The following CIMAP2 variants were observed in gnomAD, a reference collection of about 807,000 sequenced individuals.
CIMAP2 encodes the protein ciliary microtubule-associated protein 2.
chr1:54,822,372 C>G, the CIMAP2 span, among the ~76,000 whole-genome samples: 1 of 142,756 alleles, frequency 7.0e-6, no homozygotes, highest in Non-Finnish European at 1.5e-5. Flanking sequence ...TTTGCTGATC[C>G]TTTGTATTGG....
the CIMAP2 span, chr1:54,811,765 G>GCCGGGGGGGGGGGCCCCCCCCCCC: frequency 2.7e-5 from 35 of 1,301,232 alleles, no homozygotes; most frequent in East Asian, 5.0e-5. Flanking sequence ...GGTTCTGACA[G>GCCGGGGGGGGGGGCCCCCCCCCCC]CCTCCATGCC....
At chr1:54,820,108 CTCTCTCTTTCTTTCTT>C in the CIMAP2 span, among the ~76,000 whole-genome samples, 1 of 12,648 alleles carries the variant, frequency 7.9e-5, no homozygotes, top group Non-Finnish European at 2.3e-4. Context: ...TTCTTTCTCT[CTCTCTCTTTCTTTCTT>C]TCTTTCTTTC....
chr1:54,813,854 T>C, the CIMAP2 span: 4 of 1,612,950 alleles, frequency 2.5e-6, no homozygotes, highest in African/African-American at 1.3e-5. Context: ...AAGAGCTTTG[T>C]AGAAGAACTT....
chr1:54,841,938 G>T, the CIMAP2 span: 1 of 1,473,128 alleles, frequency 6.8e-7, no homozygotes, highest in Non-Finnish European at 9.3e-7. Flanking sequence ...AAATCTGGGG[G>T]TGACAGCATG....
At chr1:54,813,683 GC>G in the CIMAP2 span, 7 of 1,059,446 alleles carry the variant, frequency 6.6e-6, no homozygotes, top group Non-Finnish European at 7.9e-6. Context: ...CCGGCCTCCG[GC>G]CTCCGGGATG....
chr1:54,807,396 T>C, the CIMAP2 span: 2 of 1,207,454 alleles, frequency 1.7e-6, no homozygotes, highest in Non-Finnish European at 2.3e-6. Flanking sequence ...GCCTTAGTGC[T>C]GAGGGTGGGA....
At chr1:54,811,576 G>A in the CIMAP2 span, among the ~76,000 whole-genome samples, 1 of 152,286 alleles carries the variant, frequency 6.6e-6, no homozygotes, top group East Asian at 1.9e-4. Flanking sequence ...GCCAATCCAA[G>A]TTCAGCTGGG....
At chr1:54,814,684 T>C in the CIMAP2 span, among the ~76,000 whole-genome samples, 1 of 152,208 alleles carries the variant, frequency 6.6e-6, no homozygotes, top group Non-Finnish European at 1.5e-5. Context: ...TGAAGGCCCT[T>C]GGACACCTGA....
the CIMAP2 span, among the ~76,000 whole-genome samples, chr1:54,820,130 CTT>C: frequency 1.3e-3 from 163 of 129,616 alleles, no homozygotes; most frequent in East Asian, 2.2e-3. Flanking sequence ...TTCTTTCTTT[CTT>C]TCTTTCTCTC....
chr1:54,839,766 T>C, the CIMAP2 span, among the ~76,000 whole-genome samples: 1 of 152,214 alleles, frequency 6.6e-6, no homozygotes, highest in East Asian at 1.9e-4. Context: ...TTGTTGTTTT[T>C]TGAGATAGTG....
chr1:54,806,838 T>A, the CIMAP2 span, among the ~76,000 whole-genome samples: 4 of 151,844 alleles, frequency 2.6e-5, no homozygotes, highest in Admixed American at 2.0e-4. Flanking sequence ...GGGAGCAGCC[T>A]GGAACATTCA....
chr1:54,825,147 T>C, the CIMAP2 span, among the ~76,000 whole-genome samples: 1 of 145,056 alleles, frequency 6.9e-6, no homozygotes, highest in Non-Finnish European at 1.5e-5. Flanking sequence ...GCCTCCAGGG[T>C]TCATGCCATT....
the CIMAP2 span, among the ~76,000 whole-genome samples, chr1:54,819,801 C>T: frequency 1.2e-5 from 1 of 85,010 alleles, no homozygotes; most frequent in Non-Finnish European, 2.4e-5. Context: ...CTTCTCTTTT[C>T]TTCTTTTTCT....
chr1:54,817,827 TA>T, the CIMAP2 span, among the ~76,000 whole-genome samples: 2 of 152,198 alleles, frequency 1.3e-5, no homozygotes, highest in African/African-American at 4.8e-5. Flanking sequence ...AAGAATATTT[TA>T]TTTTTTATCA....
the CIMAP2 span, among the ~76,000 whole-genome samples, chr1:54,834,797 G>T: frequency 2.0e-5 from 3 of 152,200 alleles, no homozygotes; most frequent in Non-Finnish European, 4.4e-5. Flanking sequence ...ATGAAGTGAG[G>T]TGTGGCATTT....
At chr1:54,841,734 A>G in the CIMAP2 span, 1 of 1,593,034 alleles carries the variant, frequency 6.3e-7, no homozygotes, top group South Asian at 1.1e-5. Flanking sequence ...GTGTCCCTCC[A>G]GGGATGAGGA....
the CIMAP2 span, among the ~76,000 whole-genome samples, chr1:54,809,043 A>T: frequency 6.7e-5 from 1 of 14,830 alleles, no homozygotes; most frequent in Non-Finnish European, 1.9e-4. Flanking sequence ...CCTTCACTGC[A>T]GCACTCTGAG....
At chr1:54,832,938 G>A in the CIMAP2 span, among the ~76,000 whole-genome samples, 1 of 152,002 alleles carries the variant, frequency 6.6e-6, no homozygotes, top group Non-Finnish European at 1.5e-5. Context: ...GAGGTAGGAG[G>A]ATTGCTTGAG....
the CIMAP2 span, among the ~76,000 whole-genome samples, chr1:54,810,371 C>T: frequency 0.051 from 7,716 of 152,274 alleles, 257 homozygotes; most frequent in Admixed American, 0.1. Flanking sequence ...GACTTGGTCT[C>T]CCCCAGTCAC....
Sources: gnomAD v4.1 joint callset for allele counts (sites outside exome capture counted in the v4.1 genomes callset) on GRCh38, gnomAD v4.1.1 for gene constraint, MANE v1.5 for transcripts, NCBI Gene and HGNC (gene_info 2026-07-23, HGNC 2026-07-21) for gene names.